Variants in ARHGAP44 observed in about 807,000 individuals in gnomAD.
The protein encoded by ARHGAP44 is Rho GTPase activating protein 44, also known as rho GTPase-activating protein 44.
In ARHGAP44, 43 loss-of-function variants were observed where a neutral mutation model predicts 106.8. The ratio of observed to expected loss-of-function variants is 0.40; its 90% CI spans 0.32 to 0.52. The LOEUF (loss-of-function observed/expected upper bound fraction) is 0.52, where lower values mean the gene tolerates loss of function less well. ARHGAP44 is among the 20% of genes least tolerant of loss of function. The pLI is 0.48. For synonymous variants in ARHGAP44, 439 were observed against 410.3 expected (o/e 1.07, Z -0.85); for missense variants, 866 against 1,050.5 (o/e 0.82, Z 2.43).
chr17:12,916,910 A>C (rs1469443231), intron 5 of ARHGAP44, among the ~76,000 whole-genome samples: 2 of 152,214 alleles, frequency 1.3e-5, no homozygotes, highest in African/African-American at 4.8e-5. Flanking sequence ...CTCAAACCTG[A>C]AACAATCCGA....
At chr17:12,832,799 A>G (rs1252646478) in intron 1 of ARHGAP44, among the ~76,000 whole-genome samples, 2 of 152,228 alleles carry the variant, frequency 1.3e-5, no homozygotes. Flanking sequence ...TCAAGGAGAA[A>G]ATCTTTGTCA....
chr17:12,943,613 A>G lies in ARHGAP44; in HGVS notation c.677A>G (p.His226Arg). 6.2e-7 allele frequency: 1 copy of G among 1,613,980 alleles called. No individual in the cohort carries two copies. Residue 226 changes from histidine to arginine, a missense_variant, in exon 9 of 21, where the codon CAC becomes CGC. His to Arg is a conservative substitution (Grantham distance 29, BLOSUM62 0). Transcript: ENST00000379672. ...QTLIEVQAEY[H>R]RKSLTLLQAV... ...CTAATAGAAGTGCAAGCTGAATACC[A>G]CAGGAAGTCCCTGACACTATTGCAG...
chr17:12,958,727 C>A lies in ARHGAP44; in HGVS notation c.1353C>A (p.Phe451Leu). ...CTTTCTTCCCCGCAGAGATAGAGTTCAACATTACTGGCAATTATGGGAGTC... is the reference window on the plus strand; with the variant it reads ...CTTTCTTCCCCGCAGAGATAGAGTTAAACATTACTGGCAATTATGGGAGTC... ...ADWFFPGEIE[F>L]NITGNYGSPV... is the part of the protein sequence containing the mutation. Residue 451 changes from phenylalanine (F) to leucine (L), a missense_variant, in exon 16 of 21, where the codon TTC (phenylalanine) becomes TTA (leucine). Phe to Leu is a conservative substitution (Grantham distance 22). Around this residue, in one of 2 missense-constraint regions of ARHGAP44, gnomAD observed 448 missense variants for 646.9 expected, o/e 0.69. Coordinates refer to ENST00000379672, the MANE Select transcript of ARHGAP44 (RefSeq NM_014859.6). This position sits in a 1 kb window ranked among gnomAD's most constrained non-coding sequence, Gnocchi z 4.1. The A allele has an allele frequency of 6.2e-7, 1 of 1,613,752 alleles. No individual in the cohort carries two copies. Among genetic ancestry groups the A allele is most frequent in the South Asian group, 1.1e-5 (1 of 91,014 alleles).
intron 1 of ARHGAP44, among the ~76,000 whole-genome samples, chr17:12,823,934 A>G (rs1030321507): frequency 2.6e-5 from 4 of 152,138 alleles, no homozygotes; most frequent in Non-Finnish European, 5.9e-5. Flanking sequence ...TGCTGAATCC[A>G]GTGGTACATC....
intron 3 of ARHGAP44, among the ~76,000 whole-genome samples, chr17:12,901,576 T>G (rs1408050673): frequency 6.6e-6 from 1 of 151,902 alleles, no homozygotes; most frequent in African/African-American, 2.4e-5. Context: ...GTATCAGGGC[T>G]TGGTAACTGA....
intron 1 of ARHGAP44, among the ~76,000 whole-genome samples, chr17:12,883,483 C>G (rs374630372): frequency 2.7e-4 from 41 of 151,770 alleles, no homozygotes; most frequent in African/African-American, 9.2e-4. Context: ...AGCTTCTCTT[C>G]TAAGAAATTG....
intron 6 of ARHGAP44, among the ~76,000 whole-genome samples, chr17:12,923,441 C>G (rs1306542264): frequency 1.3e-5 from 2 of 152,126 alleles, no homozygotes; most frequent in African/African-American, 4.8e-5. Context: ...GTCTCGAACT[C>G]CTGACCTCAG....
intron 1 of ARHGAP44, among the ~76,000 whole-genome samples, chr17:12,843,917 A>G (rs1406879540): frequency 6.6e-6 from 1 of 151,928 alleles, no homozygotes; most frequent in Non-Finnish European, 1.5e-5. Context: ...TTGACCTTCC[A>G]AAGTACTGGG....
chr17:12,816,673 A>G (rs999279920), intron 1 of ARHGAP44, among the ~76,000 whole-genome samples: 23 of 152,200 alleles, frequency 1.5e-4, no homozygotes, highest in Non-Finnish European at 3.2e-4. Context: ...GGAAGACATT[A>G]CATACTGATA....
intron 1 of ARHGAP44, among the ~76,000 whole-genome samples, chr17:12,806,291 C>T (rs1389836254): frequency 6.6e-6 from 1 of 152,020 alleles, no homozygotes; most frequent in African/African-American, 2.4e-5. Flanking sequence ...AGCATGTTAG[C>T]AGGCTAAGGA....
chr17:12,947,021 GT>G (rs1186261846), intron 10 of ARHGAP44, among the ~76,000 whole-genome samples: 1 of 152,004 alleles, frequency 6.6e-6, no homozygotes, highest in Non-Finnish European at 1.5e-5. Context: ...TAACAAATAG[GT>G]TCAAGTTTCC....
chr17:12,955,721 C>T (rs1024394896), intron 13 of ARHGAP44, 146 bp from the exon 14 acceptor site: 2 of 573,404 alleles, frequency 3.5e-6, no homozygotes, highest in African/African-American at 3.8e-5. Flanking sequence ...CATTTCCTGA[C>T]ACGTGACGCA....
chr17:12,942,294 A>G (rs1451724341), intron 8 of ARHGAP44, among the ~76,000 whole-genome samples: 1 of 152,150 alleles, frequency 6.6e-6, no homozygotes, highest in African/African-American at 2.4e-5. Context: ...CTACAGGCGC[A>G]TGCCGCCATG....
intron 3 of ARHGAP44, among the ~76,000 whole-genome samples, chr17:12,908,128 T>C (rs2037614310): frequency 6.6e-6 from 1 of 152,072 alleles, no homozygotes; most frequent in Non-Finnish European, 1.5e-5. Context: ...TGCTTACTCT[T>C]TCTGGGTTAT....
At position 12,866,426 on chromosome 17, in the gene ARHGAP44, C is replaced by T. The variant is rs3826378; in HGVS notation, c.54-28514C>T. Reference sequence around the variant, plus strand: ...CATAATCAGCACCCTGCCTTTGCACCCCACAGCATCAGCCTAGACCACAGT... The same window carrying T: ...CATAATCAGCACCCTGCCTTTGCACTCCACAGCATCAGCCTAGACCACAGT... On this transcript the variant is annotated intron_variant, in intron 1 of 20. Coordinates refer to ENST00000379672, the MANE Select transcript of ARHGAP44 (RefSeq NM_014859.6). Among the ~76,000 whole-genome samples, 3 of 152,218 alleles carry T rather than the reference C, an allele frequency of 2.0e-5. No individual in the cohort carries two copies. In the East Asian group the frequency reaches 5.8e-4, roughly 29 times the overall value.
chr17:12,901,299 G>A (rs573714556), intron 3 of ARHGAP44, among the ~76,000 whole-genome samples: 1 of 152,274 alleles, frequency 6.6e-6, no homozygotes, highest in Non-Finnish European at 1.5e-5. Flanking sequence ...CGTGACATGG[G>A]GCGGGACTGC....
Position 12,792,145 on chromosome 17 carries a change from G to A in ARHGAP44, c.53+2254G>A, listed in dbSNP as rs561241632. Among the ~76,000 whole-genome samples, 7 of 152,192 alleles carry A rather than the reference G, an allele frequency of 4.6e-5. No homozygotes were observed. In the East Asian group the frequency reaches 9.7e-4, roughly 21 times the overall value. On this transcript the variant is annotated intron_variant, in intron 1 of 20. Coordinates refer to ENST00000379672, the MANE Select transcript of ARHGAP44 (RefSeq NM_014859.6). ...AGCTCATATCCACCTTGAGGATTTC[G>A]TTTTTACTGTTTTCCCATTTTTTTT...
intron 1 of ARHGAP44, among the ~76,000 whole-genome samples, chr17:12,794,403 G>A (rs2033856907): frequency 6.6e-6 from 1 of 152,124 alleles, no homozygotes; most frequent in Non-Finnish European, 1.5e-5. Context: ...TGGTTGAGGT[G>A]GTTCGTTGTC....
At chr17:12,852,348 C>T (rs2035776190) in intron 1 of ARHGAP44, among the ~76,000 whole-genome samples, 4 of 108,502 alleles carry the variant, frequency 3.7e-5, no homozygotes, top group South Asian at 7.4e-4. Flanking sequence ...AAAAACTCTT[C>T]GTTTTCGTTT....
Sources: gnomAD v4.1 joint callset for allele counts (sites outside exome capture counted in the v4.1 genomes callset) on GRCh38, gnomAD v4.1.1 for gene constraint, gnomAD v4.1.1 regional missense constraint, Gnocchi (gnomAD v3.1) non-coding constraint, MANE v1.5 for transcripts, NCBI Gene and HGNC (gene_info 2026-07-23, HGNC 2026-07-21) for gene names.